CCDC183: variants seen among roughly 807,000 people sequenced by gnomAD.
CCDC183 encodes the protein coiled-coil domain-containing protein 183.
Under a neutral mutation model 65.2 loss-of-function variants are expected in CCDC183, and 63 were observed. The observed-to-expected ratio is 0.97, with a 90% CI of 0.79 to 1.19. The LOEUF (loss-of-function observed/expected upper bound fraction) is 1.19. Ranked by LOEUF, CCDC183 falls within the 50% of genes most tolerant of loss-of-function variation. The pLI is 0.00. For synonymous variants in CCDC183, 323 were observed against 276.5 expected, an observed-to-expected ratio of 1.17 and a Z score of -1.67; for missense variants, 769 against 689.3, an observed-to-expected ratio of 1.12 and a Z score of -1.30.
intron 2 of CCDC183, chr9:136,799,490 G>A (rs115824302): frequency 2.9e-6 from 2 of 691,448 alleles, no homozygotes; most frequent in African/African-American, 1.8e-5. Context: ...TCTCCGGCCA[G>A]CTAGGGGACA....
chr9:136,802,057 G>C (rs891356075), intron 5 of CCDC183, among the ~76,000 whole-genome samples: 2 of 152,062 alleles, frequency 1.3e-5, no homozygotes, highest in Non-Finnish European at 2.9e-5. Flanking sequence ...CCCAGTGTTG[G>C]GATTACAGGC....
intron 5 of CCDC183, 108 bp from the exon 6 acceptor site, chr9:136,802,556 A>G (rs931527769): frequency 6.9e-7 from 1 of 1,458,616 alleles, no homozygotes; most frequent in Non-Finnish European, 9.1e-7. Context: ...GGCTGGGGCC[A>G]CAGAGGAGAA....
intron 4 of CCDC183, 106 bp from the exon 5 acceptor site, chr9:136,800,283 G>A (rs1318620996): frequency 3.5e-6 from 5 of 1,442,212 alleles, no homozygotes; most frequent in Non-Finnish European, 4.7e-6. Flanking sequence ...GCTCACGGGA[G>A]GGGCGGGGCT....
chr9:136,800,308 C>T (rs1847719009), intron 4 of CCDC183, 81 bp from the exon 5 acceptor site: 1 of 1,477,802 alleles, frequency 6.8e-7, no homozygotes, highest in African/African-American at 1.4e-5. Flanking sequence ...GAGCACGACC[C>T]TCTCCGGAGA....
At chr9:136,799,472 C>T (rs1290378492) in intron 2 of CCDC183, 7 of 726,760 alleles carry the variant, frequency 9.6e-6, no homozygotes, top group Non-Finnish European at 1.5e-5. Flanking sequence ...GCAGGGGCCC[C>T]CTCTGGCTCT....
chr9:136,805,982 G>T (rs1847838361), intron 9 of CCDC183, 96 bp from the exon 10 acceptor site: 2 of 964,562 alleles, frequency 2.1e-6, no homozygotes, highest in African/African-American at 1.7e-5. Context: ...AAGTGCACTA[G>T]CGTCTAGGAG....
rs376709364 is a variant in CCDC183 at position 136,800,457 on chromosome 9, C to T, written c.507C>T (p.His169=). 6.2e-7 allele frequency: 1 copy of T among 1,612,806 alleles called. No individual in the cohort carries two copies. The highest frequency in any genetic ancestry group is 1.3e-5 in the African/African-American group (1 of 74,882). Residue 169 remains histidine (H), a synonymous_variant, in exon 5 of 14, where the codon CAC becomes CAT. Coordinates refer to ENST00000338005, the MANE Select transcript of CCDC183 (RefSeq NM_001039374.5). ...MIKIITSQNI[H]LLYLDLLDYL... ...AGATCATCACCAGCCAGAACATCCA[C>T]CTGCTGTATTTGGACCTGCTGGATT...
intron 5 of CCDC183, among the ~76,000 whole-genome samples, chr9:136,802,078 G>A (rs961703517): frequency 7.9e-5 from 12 of 152,098 alleles, no homozygotes; most frequent in African/African-American, 2.2e-4. Flanking sequence ...GTGAGCCACC[G>A]CACCTGGCCT....
chr9:136,802,411 C>T (rs960530912), intron 5 of CCDC183, among the ~76,000 whole-genome samples: 3 of 152,338 alleles, frequency 2.0e-5, no homozygotes, highest in South Asian at 2.1e-4. Flanking sequence ...TTCTGCAGAG[C>T]ATTTCATCAC....
rs1453893900 is a variant in CCDC183, at chr9:136,804,937, G to A, written c.847+121G>A. 1.5e-5 allele frequency: 12 copies of A among 811,792 alleles called. No homozygotes were observed. Among genetic ancestry groups the A allele is most frequent in the Non-Finnish European group, 2.4e-5 (12 of 500,276 alleles). 50.3% of individuals were successfully genotyped at this position (811,792 alleles called of 1,614,324 possible). A position where few individuals can be genotyped will look rare whatever the true frequency, so the allele number is the denominator to read the frequency against. ...GTGACATGTGGTCGCCAGGGTGAAG[G>A]GAAGGACAGGTCCCTGCCTCTCCCT... is the stretch of plus-strand genomic sequence containing the variant. On this transcript the variant is annotated intron_variant, in intron 8 of 13. Coordinates refer to ENST00000338005, the MANE Select transcript of CCDC183 (RefSeq NM_001039374.5). This position sits in a 1 kb window ranked among gnomAD's most constrained non-coding sequence, Gnocchi z 4.1.
intron 5 of CCDC183, 40 bp downstream of exon 5, chr9:136,800,533 G>A: frequency 6.8e-7 from 1 of 1,479,340 alleles, no homozygotes; most frequent in Non-Finnish European, 9.3e-7. Flanking sequence ...GTCAGGGGCT[G>A]GGATCTGGGA....
intron 6 of CCDC183, among the ~76,000 whole-genome samples, chr9:136,803,323 G>A (rs1028128563): frequency 6.6e-6 from 1 of 152,194 alleles, no homozygotes; most frequent in South Asian, 2.1e-4. Context: ...TTCTGGCCAG[G>A]GTCTCTCAGG....
At chr9:136,796,505 T>C in intron 1 of CCDC183, 38 bp downstream of exon 1, 1 of 1,400,488 alleles carries the variant, frequency 7.1e-7, no homozygotes, top group Non-Finnish European at 9.9e-7. Flanking sequence ...CCCTTTCCCG[T>C]CTGGGGGTTT....
rs188336199 is a variant in CCDC183, at chr9:136,796,534, G to C, written c.70+67G>C. On this transcript the variant is annotated intron_variant, in intron 1 of 13. Coordinates refer to ENST00000338005, the MANE Select transcript of CCDC183 (RefSeq NM_001039374.5). ...GGGGTTTCTGGGTGCACAACTTTTT[G>C]TGGGGAAAAGAGAGATCAGATTGTT... 17 of 1,092,536 alleles carry C rather than the reference G, an allele frequency of 1.6e-5. No individual in the cohort carries two copies. In the African/African-American group the frequency reaches 2.5e-4, roughly 16 times the overall value. The allele number at this position is 1,092,536 out of a possible 1,614,324, so 67.7% of individuals were successfully genotyped here. A position where few individuals can be genotyped will look rare whatever the true frequency, so the allele number is the denominator to read the frequency against.
chr9:136,799,802 G>A lies in CCDC183; in HGVS notation c.270+12G>A. 1 of 1,611,556 alleles carries A rather than the reference G, an allele frequency of 6.2e-7. No individual in the cohort carries two copies. The highest frequency in any genetic ancestry group is 1.1e-5 in the South Asian group (1 of 90,956). ...GCAGCACCATGGAGGTAACCAGGCA[G>A]GAGGGGCCTCGAGACCCAACCCTCC... On this transcript the variant is annotated intron_variant, in intron 3 of 13. Transcript: ENST00000338005.
rs1847815045 is a variant in CCDC183 at position 136,804,875 on chromosome 9, A to G, written c.847+59A>G. ...GGGTCCCAAGGAGAGGCTGGCACTG[A>G]TTCAGGCCAACGGATCAAGTCACCC... On this transcript the variant is annotated intron_variant, in intron 8 of 13. Coordinates refer to ENST00000338005, the MANE Select transcript of CCDC183 (RefSeq NM_001039374.5). This position sits in a 1 kb window ranked among gnomAD's most constrained non-coding sequence, Gnocchi z 4.1. 6.8e-7 allele frequency: 1 copy of G among 1,469,634 alleles called. No individual in the cohort carries two copies. The highest frequency in any genetic ancestry group is 1.4e-5 in the African/African-American group (1 of 71,802). The allele number at this position is 1,469,634 out of a possible 1,614,324, so 91.0% of individuals were successfully genotyped here.
At chr9:136,797,954 G>C (rs1000549405) in intron 1 of CCDC183, among the ~76,000 whole-genome samples, 2 of 152,100 alleles carry the variant, frequency 1.3e-5, no homozygotes, top group Non-Finnish European at 2.9e-5. Context: ...TTGATTAGTT[G>C]GGACATCAGG....
intron 6 of CCDC183, among the ~76,000 whole-genome samples, chr9:136,803,727 C>T (rs1847790626): frequency 6.6e-6 from 1 of 152,110 alleles, no homozygotes; most frequent in African/African-American, 2.4e-5. Context: ...CAGGTGTGGC[C>T]AGGGCTAGGG....
chr9:136,804,788 G>A lies in CCDC183; in HGVS notation c.819G>A (p.Ser273=), dbSNP rs371973312. ...GCCAGATGGACTTGGACTTCCCCTC[G>A]AACCTGATGAGCACGGAGACCCTGA... ...RRGQMDLDFP[S]NLMSTETLKL... is the part of the protein sequence containing the mutation. Residue 273 remains serine (S), a synonymous_variant, in exon 8 of 14, where the codon TCG becomes TCA. Coordinates refer to ENST00000338005, the MANE Select transcript of CCDC183 (RefSeq NM_001039374.5). This position sits in a 1 kb window ranked among gnomAD's most constrained non-coding sequence, Gnocchi z 4.1. 144 of 1,613,328 alleles carry A rather than the reference G, an allele frequency of 8.9e-5. No homozygotes were observed. Among genetic ancestry groups the A allele is most frequent in the African/African-American group, 3.2e-4 (24 of 74,782 alleles).
Sources: allele counts gnomAD v4.1 joint callset (sites outside exome capture counted in the v4.1 genomes callset), GRCh38; gene constraint gnomAD v4.1.1; non-coding constraint Gnocchi (gnomAD v3.1); transcripts MANE v1.5; gene names NCBI Gene and HGNC (gene_info 2026-07-23, HGNC 2026-07-21).